WWOX: variants seen among roughly 807,000 people sequenced by gnomAD.
WWOX encodes WW domain containing oxidoreductase, also known as WW domain-containing oxidoreductase.
Under a neutral mutation model 46.2 loss-of-function variants are expected in WWOX, and 69 were observed. That is an observed-to-expected ratio of 1.49 (90% CI 1.23 to 1.82). The LOEUF is 1.82. WWOX is among the 40% of genes most tolerant of loss of function. WWOX has a pLI of 0.00. For missense variants in WWOX, 919 were observed against 542.6 expected, an observed-to-expected ratio of 1.69 and a Z score of -6.89; for synonymous variants, 359 against 202.6, an observed-to-expected ratio of 1.77 and a Z score of -6.56.
At chr16:79,058,241 G>C (rs1330618980) in intron 8 of WWOX, among the ~76,000 whole-genome samples, 2 of 151,980 alleles carry the variant, frequency 1.3e-5, no homozygotes, top group African/African-American at 4.8e-5. Flanking sequence ...GTGTGATGGT[G>C]GGCAACTTTC....
intron 8 of WWOX, among the ~76,000 whole-genome samples, chr16:78,858,256 G>A (rs1048275395): frequency 2.0e-5 from 3 of 149,734 alleles, no homozygotes; most frequent in Non-Finnish European, 3.0e-5. Flanking sequence ...AAGTTCTTTA[G>A]TGGCGATTTA....
chr16:78,833,127 C>G (rs937015037), intron 8 of WWOX, among the ~76,000 whole-genome samples: 1 of 151,678 alleles, frequency 6.6e-6, no homozygotes, highest in Non-Finnish European at 1.5e-5. Context: ...CTGCAGCCTC[C>G]AACTCCTAGG....
intron 4 of WWOX, among the ~76,000 whole-genome samples, chr16:78,117,845 G>C (rs968377959): frequency 6.6e-6 from 1 of 152,100 alleles, no homozygotes; most frequent in Non-Finnish European, 1.5e-5. Flanking sequence ...AAGGGAGCCT[G>C]TTTTCTTTGG....
intron 8 of WWOX, among the ~76,000 whole-genome samples, chr16:78,459,932 G>C (rs952623334): frequency 2.2e-4 from 33 of 151,646 alleles, no homozygotes; most frequent in Non-Finnish European, 1.6e-4. Flanking sequence ...AGCCTCCCGG[G>C]TAGTTAGGGC....
intron 5 of WWOX, among the ~76,000 whole-genome samples, chr16:78,366,383 T>C (rs1423882810): frequency 6.6e-6 from 1 of 152,228 alleles, no homozygotes; most frequent in Non-Finnish European, 1.5e-5. Flanking sequence ...GTTAGGCTGT[T>C]TTTTTATTGT....
chr16:78,952,664 A>G (rs1054939235), intron 8 of WWOX, among the ~76,000 whole-genome samples: 2 of 152,108 alleles, frequency 1.3e-5, no homozygotes, highest in Admixed American at 1.3e-4. Flanking sequence ...GTTTACAGGT[A>G]TGAGCCACCA....
chr16:78,332,702 C>T (rs940217497), intron 5 of WWOX, among the ~76,000 whole-genome samples: 2 of 152,070 alleles, frequency 1.3e-5, no homozygotes, highest in African/African-American at 4.8e-5. Flanking sequence ...AGTGCCTTTA[C>T]TGTAGTTATA....
chr16:78,947,033 A>C (rs1431072198), intron 8 of WWOX, among the ~76,000 whole-genome samples: 1 of 148,366 alleles, frequency 6.7e-6, no homozygotes, highest in Non-Finnish European at 1.5e-5. Context: ...TGCCTCCGTA[A>C]AGGAGTAAGT....
At chr16:79,101,522 A>G (rs2049193029) in intron 8 of WWOX, 2 of 152,164 alleles carry the variant, frequency 1.3e-5, no homozygotes, top group African/African-American at 4.8e-5. Flanking sequence ...GCCTAAGGGA[A>G]TGAGTTTAAG....
intron 8 of WWOX, among the ~76,000 whole-genome samples, chr16:78,588,304 T>C (rs1428889577): frequency 6.6e-6 from 1 of 152,192 alleles, no homozygotes; most frequent in Non-Finnish European, 1.5e-5. Context: ...TGGGTGCGGA[T>C]AATGGATAAT....
chr16:78,761,421 C>T (rs1385322693), intron 8 of WWOX, among the ~76,000 whole-genome samples: 1 of 152,118 alleles, frequency 6.6e-6, no homozygotes, highest in African/African-American at 2.4e-5. Context: ...CTGTTTAGTG[C>T]CCTCTCGGTT....
chr16:78,236,124 G>A (rs1447310943), intron 5 of WWOX, among the ~76,000 whole-genome samples: 1 of 152,208 alleles, frequency 6.6e-6, no homozygotes, highest in Non-Finnish European at 1.5e-5. Flanking sequence ...GCCAGCCTCT[G>A]ACTCTGGTGT....
At chr16:78,359,461 A>G (rs1209234514) in intron 5 of WWOX, among the ~76,000 whole-genome samples, 1 of 152,164 alleles carries the variant, frequency 6.6e-6, no homozygotes, top group East Asian at 1.9e-4. Context: ...TAGAAAACAT[A>G]TAAAGGATCG....
intron 8 of WWOX, among the ~76,000 whole-genome samples, chr16:78,903,260 A>G (rs9928795): frequency 0.14 from 21,832 of 152,184 alleles, 3,081 homozygotes; most frequent in African/African-American, 0.36. Context: ...GAAAGCAACC[A>G]ATCAGAGGCT....
intron 8 of WWOX, among the ~76,000 whole-genome samples, chr16:78,513,901 C>T (rs1877285): frequency 1.5e-5 from 2 of 134,460 alleles, no homozygotes; most frequent in African/African-American, 3.6e-5. Context: ...CACTCCCCCC[C>T]CCCCCACTTG....
At chr16:78,878,364 C>T (rs188924086) in intron 8 of WWOX, among the ~76,000 whole-genome samples, 56 of 152,266 alleles carry the variant, frequency 3.7e-4, no homozygotes, top group Admixed American at 1.3e-3. Context: ...CTGCCCCTGT[C>T]ATTGAGTAAA....
intron 8 of WWOX, among the ~76,000 whole-genome samples, chr16:78,507,172 A>T (rs908090250): frequency 6.6e-6 from 1 of 152,212 alleles, no homozygotes; most frequent in African/African-American, 2.4e-5. Flanking sequence ...TCAGGAGTCT[A>T]TTGAGGAGAC....
chr16:78,396,866 A>G (rs1286770224), intron 6 of WWOX, among the ~76,000 whole-genome samples: 1 of 152,196 alleles, frequency 6.6e-6, no homozygotes, highest in East Asian at 1.9e-4. Context: ...CTGTGTCCTA[A>G]TAAAACTTTA....
intron 8 of WWOX, among the ~76,000 whole-genome samples, chr16:78,589,626 G>A (rs1349121913): frequency 1.3e-5 from 2 of 152,174 alleles, no homozygotes; most frequent in East Asian, 1.9e-4. Context: ...TAAGCAAGTA[G>A]TTTCCGGTAA....
Sources: gnomAD v4.1 joint callset for allele counts (sites outside exome capture counted in the v4.1 genomes callset) on GRCh38, gnomAD v4.1.1 for gene constraint, MANE v1.5 for transcripts, NCBI Gene and HGNC (gene_info 2026-07-23, HGNC 2026-07-21) for gene names.